The following SORCS3 variants were observed in gnomAD, a reference collection of about 807,000 sequenced individuals.
The protein encoded by SORCS3 is VPS10 domain-containing receptor SorCS3.
SORCS3 carries 57 observed loss-of-function variants against 146.3 expected under a neutral mutation model. That is an observed-to-expected ratio of 0.39 (90% CI 0.31 to 0.49). The LOEUF is 0.49. SORCS3 is among the 20% of genes least tolerant of loss of function. The probability of loss-of-function intolerance (pLI) is 0.92; values close to 1 mark genes in which losing one functional copy is unlikely to be tolerated. For missense variants in SORCS3, 1,341 were observed against 1,575.5 expected (o/e 0.85, Z 2.52); for synonymous variants, 653 against 618.5 (o/e 1.06, Z -0.83).
chr10:104,976,547 C>A (rs1042832215), intron 3 of SORCS3, among the ~76,000 whole-genome samples: 6 of 152,080 alleles, frequency 3.9e-5, no homozygotes, highest in Admixed American at 3.9e-4. Context: ...TTGACCCAGC[C>A]ATCCCATTAC....
intron 5 of SORCS3, among the ~76,000 whole-genome samples, chr10:105,077,958 G>A (rs1401777187): frequency 6.6e-6 from 1 of 152,160 alleles, no homozygotes; most frequent in Non-Finnish European, 1.5e-5. Context: ...CTTCCAAAGT[G>A]CCCACGAGAG....
intron 25 of SORCS3, among the ~76,000 whole-genome samples, chr10:105,260,978 A>G (rs2056957008): frequency 6.6e-6 from 1 of 152,246 alleles, no homozygotes; most frequent in Non-Finnish European, 1.5e-5. Flanking sequence ...ATAGTAAAGT[A>G]GAAAGAGCAC....
At chr10:104,913,194 G>A (rs1372639255) in intron 2 of SORCS3, among the ~76,000 whole-genome samples, 1 of 152,126 alleles carries the variant, frequency 6.6e-6, no homozygotes, top group Non-Finnish European at 1.5e-5. Context: ...ACAGATCTGG[G>A]GTAGAAAAAT....
chr10:104,752,384 C>T (rs1222215955), intron 1 of SORCS3, among the ~76,000 whole-genome samples: 2 of 152,074 alleles, frequency 1.3e-5, no homozygotes, highest in African/African-American at 4.8e-5. Flanking sequence ...CATTTTGGAG[C>T]ATGGGACACT....
chr10:104,735,817 G>A (rs1166913744), intron 1 of SORCS3, among the ~76,000 whole-genome samples: 1 of 152,112 alleles, frequency 6.6e-6, no homozygotes, highest in Non-Finnish European at 1.5e-5. Flanking sequence ...CTTGGAACCG[G>A]TTCTGATTTG....
chr10:105,104,310 T>C (rs1224729051), intron 6 of SORCS3, among the ~76,000 whole-genome samples: 1 of 152,218 alleles, frequency 6.6e-6, no homozygotes, highest in Non-Finnish European at 1.5e-5. Flanking sequence ...TGAATAACCT[T>C]TTTTAAAGCA....
intron 13 of SORCS3, among the ~76,000 whole-genome samples, chr10:105,168,022 A>G (rs189183931): frequency 1.3e-5 from 2 of 152,294 alleles, no homozygotes; most frequent in Non-Finnish European, 2.9e-5. Flanking sequence ...TGCTGAAGAA[A>G]GGGGTGATTA....
At chr10:105,256,742 G>T in intron 24 of SORCS3, 77 bp from the exon 25 acceptor site, 1 of 1,085,858 alleles carries the variant, frequency 9.2e-7, no homozygotes. Flanking sequence ...CCTCCTTCCT[G>T]CAATGAATAC....
chr10:104,878,916 C>T (rs1410738503), intron 2 of SORCS3, among the ~76,000 whole-genome samples: 1 of 152,154 alleles, frequency 6.6e-6, no homozygotes, highest in African/African-American at 2.4e-5. Context: ...TTGAAGGGCT[C>T]ACCCTGAAGG....
chr10:105,195,892 G>A (rs533438350), intron 14 of SORCS3, among the ~76,000 whole-genome samples: 3 of 152,276 alleles, frequency 2.0e-5, no homozygotes, highest in Non-Finnish European at 2.9e-5. Flanking sequence ...GTGACCTCCC[G>A]GGAGAGGAAA....
At chr10:104,711,897 G>A (rs2016421610) in intron 1 of SORCS3, among the ~76,000 whole-genome samples, 1 of 151,940 alleles carries the variant, frequency 6.6e-6, no homozygotes, top group Non-Finnish European at 1.5e-5. Flanking sequence ...GGAAGTGAAG[G>A]AGGATGGAAC....
chr10:105,000,486 G>T (rs1266300857), intron 4 of SORCS3, among the ~76,000 whole-genome samples: 2 of 151,946 alleles, frequency 1.3e-5, no homozygotes, highest in African/African-American at 2.4e-5. Context: ...TTTCTTTGTT[G>T]TTGTTTTGTT....
At chr10:104,875,145 C>G (rs1419495354) in intron 2 of SORCS3, among the ~76,000 whole-genome samples, 1 of 152,204 alleles carries the variant, frequency 6.6e-6, no homozygotes, top group African/African-American at 2.4e-5. Context: ...ATCAAGCCTT[C>G]TACCTACTCA....
chr10:104,965,053 C>T (rs2054818630), intron 3 of SORCS3, among the ~76,000 whole-genome samples: 1 of 152,154 alleles, frequency 6.6e-6, no homozygotes. Context: ...TTCCTTCCTT[C>T]CTAAGGCGGA....
At chr10:104,938,177 T>G (rs369355188) in intron 3 of SORCS3, among the ~76,000 whole-genome samples, 1 of 152,186 alleles carries the variant, frequency 6.6e-6, no homozygotes, top group East Asian at 1.9e-4. Flanking sequence ...GACCCAAACT[T>G]TCTCAAGCTG....
chr10:105,262,016 A>T (rs1381149106), intron 25 of SORCS3, among the ~76,000 whole-genome samples: 1 of 152,224 alleles, frequency 6.6e-6, no homozygotes, highest in Non-Finnish European at 1.5e-5. Flanking sequence ...TAAAAACTTA[A>T]TACCAGGTAA....
At chr10:105,080,309 A>G (rs1017546838) in intron 5 of SORCS3, among the ~76,000 whole-genome samples, 6 of 152,186 alleles carry the variant, frequency 3.9e-5, no homozygotes, top group African/African-American at 1.2e-4. Flanking sequence ...CTAATGATCA[A>G]TGATGTTGAG....
At chr10:105,021,131 A>G (rs12245527) in intron 4 of SORCS3, among the ~76,000 whole-genome samples, 45,944 of 152,052 alleles carry the variant, frequency 0.3, 8,581 homozygotes, top group African/African-American at 0.52. Flanking sequence ...GTTTTGTGCT[A>G]CTATGACAGA....
rs1235164267 is a variant in SORCS3, at chr10:105,025,917, C to T, written c.955-17138C>T. 2.0e-5 allele frequency among the ~76,000 whole-genome samples: 3 copies of T among 148,184 alleles called. No homozygotes were observed. In the East Asian group the frequency reaches 6.1e-4, roughly 30 times the overall value. ...AGTTAATGCATGCAAATCTTGACAC[C>T]CTCACAACTCATTACTTTCCTAAAT... On this transcript the variant is annotated intron_variant, in intron 4 of 26. Coordinates refer to ENST00000369701, the MANE Select transcript of SORCS3 (RefSeq NM_014978.3).
Sources: allele counts gnomAD v4.1 joint callset (sites outside exome capture counted in the v4.1 genomes callset), GRCh38; gene constraint gnomAD v4.1.1; transcripts MANE v1.5; gene names NCBI Gene and HGNC (gene_info 2026-07-23, HGNC 2026-07-21).